EML6: variants seen among roughly 807,000 people sequenced by gnomAD.
The protein encoded by EML6 is echinoderm microtubule-associated protein-like 6.
EML6 carries 154 observed loss-of-function variants against 240.1 expected under a neutral mutation model. The observed-to-expected ratio is 0.64, with a 90% CI of 0.56 to 0.73. The LOEUF is 0.73. Ranked by LOEUF, EML6 falls within the 30% of genes least tolerant of loss-of-function variation. The pLI, the probability that EML6 is intolerant of heterozygous loss-of-function variation, is 0.00. For synonymous variants in EML6, 1,148 were observed against 899.0 expected (o/e 1.28, Z -4.95); for missense variants, 2,964 against 2,474.6 (o/e 1.20, Z -4.20).
At chr2:54,825,182 AT>A (rs1461556831) in intron 5 of EML6, among the ~76,000 whole-genome samples, 1 of 152,204 alleles carries the variant, frequency 6.6e-6, no homozygotes, top group Non-Finnish European at 1.5e-5. Flanking sequence ...AAAGGACAAA[AT>A]AATTATTTTA....
At chr2:54,969,270 A>G (rs1676886006) in intron 41 of EML6, among the ~76,000 whole-genome samples, 1 of 152,188 alleles carries the variant, frequency 6.6e-6, no homozygotes, top group Non-Finnish European at 1.5e-5. Flanking sequence ...GATGAGCTTC[A>G]TTGTAGCATG....
chr2:54,763,447 A>G (rs1192398566), intron 2 of EML6, among the ~76,000 whole-genome samples: 1 of 152,230 alleles, frequency 6.6e-6, no homozygotes, highest in Non-Finnish European at 1.5e-5. Context: ...ACATGATTCC[A>G]AAACTCCAGA....
intron 2 of EML6, among the ~76,000 whole-genome samples, chr2:54,794,941 A>G (rs1279698021): frequency 2.0e-5 from 3 of 152,176 alleles, no homozygotes; most frequent in Non-Finnish European, 4.4e-5. Context: ...TTAAGAAGGA[A>G]TCATTTGTTA....
At chr2:54,931,900 T>G (rs567046672) in intron 28 of EML6, among the ~76,000 whole-genome samples, 128 of 152,342 alleles carry the variant, frequency 8.4e-4, no homozygotes, top group Non-Finnish European at 1.5e-3. Flanking sequence ...GAAAAATGCC[T>G]TGAAGGTAGC....
chr2:54,904,354 G>A (rs562964555), intron 24 of EML6, among the ~76,000 whole-genome samples: 7 of 152,220 alleles, frequency 4.6e-5, no homozygotes, highest in East Asian at 3.9e-4. Context: ...AGTCTGGAGC[G>A]GGTACTTGGG....
intron 2 of EML6, among the ~76,000 whole-genome samples, chr2:54,791,109 A>T (rs537001781): frequency 6.6e-6 from 1 of 152,206 alleles, no homozygotes; most frequent in Non-Finnish European, 1.5e-5. Flanking sequence ...TTCTGAATAA[A>T]TATTACAAAA....
intron 16 of EML6, among the ~76,000 whole-genome samples, chr2:54,877,930 T>G (rs933015627): frequency 6.6e-6 from 1 of 152,220 alleles, no homozygotes; most frequent in Non-Finnish European, 1.5e-5. Context: ...TTCCAGTTGG[T>G]TGGAGGAGGG....
intron 2 of EML6, among the ~76,000 whole-genome samples, chr2:54,773,138 C>T (rs552928410): frequency 1.3e-5 from 2 of 152,350 alleles, no homozygotes; most frequent in South Asian, 4.1e-4. Context: ...GCTGGGTGAG[C>T]TAACTGTCCA....
intron 2 of EML6, among the ~76,000 whole-genome samples, chr2:54,737,488 AG>A (rs748484163): frequency 3.3e-5 from 5 of 152,064 alleles, no homozygotes; most frequent in Non-Finnish European, 7.4e-5. Context: ...TAGTAGAGTC[AG>A]GGTTTCATCA....
intron 2 of EML6, among the ~76,000 whole-genome samples, chr2:54,746,436 C>T (rs1030169712): frequency 1.3e-5 from 2 of 151,966 alleles, no homozygotes; most frequent in African/African-American, 2.4e-5. Flanking sequence ...CTTGTGATTT[C>T]GTTTGTTTTT....
At chr2:54,821,108 G>T (rs79490975) in intron 5 of EML6, among the ~76,000 whole-genome samples, 1 of 152,036 alleles carries the variant, frequency 6.6e-6, no homozygotes, top group Non-Finnish European at 1.5e-5. Flanking sequence ...CTATAGGATC[G>T]TAAATAATGT....
At chr2:54,929,427 T>TA (rs1482028634) in intron 28 of EML6, among the ~76,000 whole-genome samples, 3 of 152,228 alleles carry the variant, frequency 2.0e-5, no homozygotes, top group Non-Finnish European at 4.4e-5. Flanking sequence ...CTATATTACT[T>TA]AATTTATCAT....
At chr2:54,958,107 C>T in intron 33 of EML6, 109 bp downstream of exon 33, 2 of 930,092 alleles carry the variant, frequency 2.2e-6, no homozygotes, top group East Asian at 2.6e-5. Flanking sequence ...AGCAGGAAAG[C>T]CATTTCCACA....
chr2:54,750,829 T>C (rs1448707797), intron 2 of EML6, among the ~76,000 whole-genome samples: 1 of 152,112 alleles, frequency 6.6e-6, no homozygotes, highest in Non-Finnish European at 1.5e-5. Context: ...TTTAGACATA[T>C]GACTGTAGCC....
chr2:54,751,114 T>C (rs1383787639), intron 2 of EML6, among the ~76,000 whole-genome samples: 1 of 152,210 alleles, frequency 6.6e-6, no homozygotes, highest in African/African-American at 2.4e-5. Flanking sequence ...GTTATCTCTT[T>C]GAAAGGGATG....
chr2:54,796,600 A>G (rs1669791632), intron 2 of EML6, among the ~76,000 whole-genome samples: 1 of 152,078 alleles, frequency 6.6e-6, no homozygotes, highest in Non-Finnish European at 1.5e-5. Context: ...AGTATATTAA[A>G]TGTGTGTGCT....
chr2:54,835,055 C>T (rs1669066919), intron 7 of EML6, among the ~76,000 whole-genome samples: 1 of 152,170 alleles, frequency 6.6e-6, no homozygotes, highest in Non-Finnish European at 1.5e-5. Flanking sequence ...GCTGCTTCTC[C>T]CTCTGCCTGT....
chr2:54,952,609 A>G lies in EML6; in HGVS notation c.4229A>G (p.Tyr1410Cys). The G allele has an allele frequency of 1.3e-6, 2 of 1,550,918 alleles. No homozygotes were observed. Among genetic ancestry groups the G allele is most frequent in the Non-Finnish European group, 8.7e-7 (1 of 1,146,546 alleles). ...QNLSTGSQSF[Y>C]LEHTDDILCL... is the part of the protein sequence containing the mutation. ...TCTCCCCCAGGGAGCCAGAGCTTCTATCTGGAGCACACAGATGACATCCTC... is the reference window on the plus strand; with the variant it reads ...TCTCCCCCAGGGAGCCAGAGCTTCTGTCTGGAGCACACAGATGACATCCTC... Residue 1410 changes from tyrosine to cysteine, a missense_variant, in exon 31 of 42, where the codon TAT becomes TGT. Transcript: ENST00000356458.
chr2:54,808,806 C>T (rs556125878), intron 2 of EML6, among the ~76,000 whole-genome samples: 114 of 152,244 alleles, frequency 7.5e-4, no homozygotes, highest in Non-Finnish European at 1.4e-3. Flanking sequence ...TGGAAATCTT[C>T]GTGATCTTAT....
Sources: gnomAD v4.1 joint callset for allele counts (sites outside exome capture counted in the v4.1 genomes callset) on GRCh38, gnomAD v4.1.1 for gene constraint, MANE v1.5 for transcripts, NCBI Gene and HGNC (gene_info 2026-07-23, HGNC 2026-07-21) for gene names.